Variants in MARCHF5 observed in about 807,000 individuals in gnomAD.
MARCHF5 encodes the protein E3 ubiquitin-protein ligase MARCHF5.
MARCHF5 carries 5 observed loss-of-function variants against 36.5 expected under a neutral mutation model. That is an observed-to-expected ratio of 0.14 (90% confidence interval 0.07 to 0.29). MARCHF5 has a LOEUF of 0.29. Ranked by LOEUF, MARCHF5 falls within the 10% of genes least tolerant of loss-of-function variation. The pLI is 1.00. For synonymous variants in MARCHF5, 103 were observed against 109.9 expected, an observed-to-expected ratio of 0.94 and a Z score of 0.39; for missense variants, 179 against 336.3, an observed-to-expected ratio of 0.53 and a Z score of 3.66.
chr10:92,315,298 T>C (rs1401896652), intron 2 of MARCHF5, among the ~76,000 whole-genome samples: 1 of 152,268 alleles, frequency 6.6e-6, no homozygotes, highest in East Asian at 1.9e-4. Context: ...TTCCTCTCTG[T>C]ATAACACACG....
Position 92,351,170 on chromosome 10 carries a change from G to A in MARCHF5, c.800G>A (p.Arg267His), listed in dbSNP as rs868617911. 4.3e-6 allele frequency: 7 copies of A among 1,612,600 alleles called. No homozygotes were observed. Among genetic ancestry groups the A allele is most frequent in the Non-Finnish European group, 5.1e-6 (6 of 1,179,100 alleles). Residue 267 changes from arginine to histidine, a missense_variant, in exon 6 of 6, where the codon CGC becomes CAC. By Grantham distance (29) the Arg-to-His change is conservative. Around this residue, in one of 3 missense-constraint regions of MARCHF5, gnomAD observed 95 missense variants for 139.5 expected, o/e 0.68. Transcript: ENST00000358935. ...CAGCAATATTTACGACAGGCACACC[G>A]CAAAATTCTGAATTATCCAGAACAA... Reference protein sequence around the residue: ...KQQQYLRQAHRKILNYPEQEE... With the variant: ...KQQQYLRQAHHKILNYPEQEE...
rs1019130256 is a variant in MARCHF5, at chr10:92,291,455, G to T, written c.-40G>T. ...TTGTCCCTGGGCCTGGCCTTGAGCG[G>T]GTCCACTGGGGAAGGCCGTGTGCGC... On this transcript the variant is annotated 5_prime_UTR_variant, in exon 1 of 6. Coordinates refer to ENST00000358935, the MANE Select transcript of MARCHF5 (RefSeq NM_017824.5). 8 of 1,510,728 alleles carry T rather than the reference G, an allele frequency of 5.3e-6. No homozygotes were observed. In the African/African-American group the frequency reaches 8.3e-5, roughly 16 times the overall value. 93.6% of individuals were successfully genotyped at this position (1,510,728 alleles called of 1,614,324 possible). A position where few individuals can be genotyped will look rare whatever the true frequency, so the allele number is the denominator to read the frequency against.
chr10:92,327,078 G>A (rs1843370712), intron 2 of MARCHF5, among the ~76,000 whole-genome samples: 1 of 151,974 alleles, frequency 6.6e-6, no homozygotes, highest in Non-Finnish European at 1.5e-5. Context: ...AAACGTAAGA[G>A]TTAAAGGAAC....
At position 92,351,631 on chromosome 10, in the gene MARCHF5, A is replaced by G. The variant is rs1843715061; in HGVS notation, c.*424A>G. ...CTATGAGGATTTTTCTCACTGACAT[A>G]ATTTGATTACATACTAAATAAGAGG... On this transcript the variant is annotated 3_prime_UTR_variant, in exon 6 of 6. Coordinates refer to ENST00000358935, the MANE Select transcript of MARCHF5 (RefSeq NM_017824.5). 1 of 153,188 alleles carries G rather than the reference A, an allele frequency of 6.5e-6. No individual in the cohort carries two copies. The highest frequency in any genetic ancestry group is 2.4e-5 in the African/African-American group (1 of 41,446). 9.5% of individuals were successfully genotyped at this position (153,188 alleles called of 1,614,324 possible). A position where few individuals can be genotyped will look rare whatever the true frequency, so the allele number is the denominator to read the frequency against.
chr10:92,292,975 A>C (rs965117383), intron 1 of MARCHF5, among the ~76,000 whole-genome samples: 1 of 152,190 alleles, frequency 6.6e-6, no homozygotes, highest in African/African-American at 2.4e-5. Context: ...ATATGCCCAG[A>C]GGAAACCACC....
rs995484682 is a variant in MARCHF5 at position 92,291,420 on chromosome 10, C to T, written c.-75C>T. 3.0e-6 allele frequency: 4 copies of T among 1,327,288 alleles called. No homozygotes were observed. Among genetic ancestry groups the T allele is most frequent in the South Asian group, 1.3e-5 (1 of 79,836 alleles). The allele number at this position is 1,327,288 out of a possible 1,614,324, so 82.2% of individuals were successfully genotyped here. A position where few individuals can be genotyped will look rare whatever the true frequency, so the allele number is the denominator to read the frequency against. ...CGGACTGCGGCCTACTCCGCCGCCT[C>T]TCAGTGCTATTGTCCCTGGGCCTGG... On this transcript the variant is annotated 5_prime_UTR_variant, in exon 1 of 6. Coordinates refer to ENST00000358935, the MANE Select transcript of MARCHF5 (RefSeq NM_017824.5).
intron 3 of MARCHF5, among the ~76,000 whole-genome samples, chr10:92,342,771 T>C (rs1207559254): frequency 6.6e-6 from 1 of 152,230 alleles, no homozygotes. Flanking sequence ...AACTCTGTAG[T>C]AGTGAACACA....
intron 2 of MARCHF5, among the ~76,000 whole-genome samples, chr10:92,334,020 T>C (rs1376204683): frequency 3.3e-5 from 5 of 152,036 alleles, no homozygotes; most frequent in African/African-American, 1.2e-4. Flanking sequence ...CAAAACCCCA[T>C]CTCCGCTAAA....
chr10:92,318,665 A>ATCTTGT (rs1843246574), intron 2 of MARCHF5, among the ~76,000 whole-genome samples: 1 of 151,330 alleles, frequency 6.6e-6, no homozygotes, highest in East Asian at 1.9e-4. Flanking sequence ...AGACATCCTT[A>ATCTTGT]TCTTGTTCTT....
At chr10:92,296,407 TTCTG>T (rs1411909617) in intron 1 of MARCHF5, among the ~76,000 whole-genome samples, 1 of 152,166 alleles carries the variant, frequency 6.6e-6, no homozygotes, top group African/African-American at 2.4e-5. Flanking sequence ...TAGTTAGCTC[TTCTG>T]TCTTTCATTG....
chr10:92,340,574 G>T (rs940323142), intron 2 of MARCHF5, 99 bp from the exon 3 acceptor site: 2 of 1,155,732 alleles, frequency 1.7e-6, no homozygotes, highest in Non-Finnish European at 2.4e-6. Context: ...CCTGTGTCTT[G>T]TTGGGGGGAA....
intron 3 of MARCHF5, among the ~76,000 whole-genome samples, chr10:92,341,047 A>G (rs912459183): frequency 3.3e-5 from 5 of 152,142 alleles, no homozygotes; most frequent in African/African-American, 1.2e-4. Context: ...ATAACGTTCT[A>G]TCTATAGAAT....
At chr10:92,350,085 C>T (rs974490210) in intron 5 of MARCHF5, 3 of 409,536 alleles carry the variant, frequency 7.3e-6, no homozygotes, top group African/African-American at 6.2e-5. Context: ...ATCATCACAC[C>T]TGTCCCTCTT....
intron 3 of MARCHF5, among the ~76,000 whole-genome samples, chr10:92,345,007 T>C (rs958470367): frequency 7.2e-5 from 11 of 152,282 alleles, no homozygotes; most frequent in African/African-American, 2.6e-4. Context: ...GTCCCTTGGC[T>C]CCTTAAGTGA....
intron 3 of MARCHF5, among the ~76,000 whole-genome samples, chr10:92,347,384 T>C (rs192310714): frequency 3.3e-5 from 5 of 151,784 alleles, no homozygotes; most frequent in East Asian, 3.9e-4. Context: ...ACTCAGGAGG[T>C]TGAGGCAGAA....
At chr10:92,334,033 T>TA (rs1366340324) in intron 2 of MARCHF5, among the ~76,000 whole-genome samples, 1 of 151,932 alleles carries the variant, frequency 6.6e-6, no homozygotes, top group Non-Finnish European at 1.5e-5. Context: ...CCGCTAAAAA[T>TA]AAAAAAATTA....
intron 2 of MARCHF5, among the ~76,000 whole-genome samples, chr10:92,323,017 T>G (rs1843310682): frequency 6.6e-6 from 1 of 152,148 alleles, no homozygotes; most frequent in Non-Finnish European, 1.5e-5. Flanking sequence ...ATTACAGGCG[T>G]GAGCCACCGG....
intron 2 of MARCHF5, among the ~76,000 whole-genome samples, chr10:92,325,773 G>A (rs1385736296): frequency 6.6e-6 from 1 of 152,096 alleles, no homozygotes; most frequent in Non-Finnish European, 1.5e-5. Context: ...TGCCTCCCAG[G>A]TTCAAGCAAT....
intron 3 of MARCHF5, among the ~76,000 whole-genome samples, chr10:92,341,094 A>G (rs1270226406): frequency 6.6e-6 from 1 of 152,196 alleles, no homozygotes; most frequent in African/African-American, 2.4e-5. Context: ...TCTTGTGGAT[A>G]GACGTTTAGT....
Sources: allele counts gnomAD v4.1 joint callset (sites outside exome capture counted in the v4.1 genomes callset), GRCh38; gene constraint gnomAD v4.1.1; regional missense constraint gnomAD v4.1.1; transcripts MANE v1.5; gene names NCBI Gene and HGNC (gene_info 2026-07-23, HGNC 2026-07-21).